CAMSAP1: variants seen among roughly 807,000 people sequenced by gnomAD.
CAMSAP1 encodes the protein calmodulin-regulated spectrin-associated protein 1.
CAMSAP1 carries 58 observed loss-of-function variants against 143.5 expected under a neutral mutation model. The observed-to-expected ratio is 0.40, with a 90% CI of 0.33 to 0.50. The LOEUF is 0.50. CAMSAP1 is among the 20% of genes least tolerant of loss of function. The pLI, the probability that CAMSAP1 is intolerant of heterozygous loss-of-function variation, is 0.45. For missense variants in CAMSAP1, 1,969 were observed against 2,115.7 expected (o/e 0.93, Z 1.36); for synonymous variants, 945 against 859.3 (o/e 1.10, Z -1.74).
At position 135,883,019 on chromosome 9, in the gene CAMSAP1, T is replaced by G. The variant is rs924296148; in HGVS notation, c.220A>C (p.Ile74Leu). ...FYVDQYEQEH[I>L]KPPVIKLLLS... Reference sequence around the variant, plus strand: ...AGAAGCTTGATAACAGGCGGCTTAATGTGCTCCTGCTCATACTGGTCAACG... The same window carrying G: ...AGAAGCTTGATAACAGGCGGCTTAAGGTGCTCCTGCTCATACTGGTCAACG... The change falls in exon 2 of 17, where the codon ATT becomes CTT. Residue 74 changes from isoleucine to leucine, a missense_variant. Around this residue, in one of 4 missense-constraint regions of CAMSAP1, gnomAD observed 215 missense variants for 196.2 expected, o/e 1.10. Coordinates refer to ENST00000389532, the MANE Select transcript of CAMSAP1 (RefSeq NM_015447.4). The G allele has an allele frequency of 6.4e-7, 1 of 1,551,696 alleles. No individual in the cohort carries two copies. The highest frequency in any genetic ancestry group is 2.0e-5 in the Admixed American group (1 of 51,008).
At chr9:135,817,831 A>C in intron 14 of CAMSAP1, 146 bp downstream of exon 14, 1 of 687,396 alleles carries the variant, frequency 1.5e-6, no homozygotes, top group South Asian at 1.9e-5. Flanking sequence ...ATTCCTGATG[A>C]CATGATTGCA....
chr9:135,851,104 G>A (rs1040738456), intron 5 of CAMSAP1, among the ~76,000 whole-genome samples: 8 of 152,194 alleles, frequency 5.3e-5, no homozygotes, highest in African/African-American at 1.2e-4. Context: ...CAAAGAGCAG[G>A]CCTCCCCCTA....
At chr9:135,827,322 AG>A (rs1485674767) in intron 8 of CAMSAP1, 84 bp downstream of exon 8, 4 of 1,289,724 alleles carry the variant, frequency 3.1e-6, no homozygotes, top group African/African-American at 3.0e-5. Context: ...ATTTTAAAAA[AG>A]GTAACTTCAA....
chr9:135,866,665 G>A (rs1837389806), intron 3 of CAMSAP1, 129 bp from the exon 4 acceptor site: 2 of 608,526 alleles, frequency 3.3e-6, no homozygotes, highest in Admixed American at 2.6e-5. Context: ...TATTGTTTAG[G>A]CCAATTACAC....
intron 3 of CAMSAP1, among the ~76,000 whole-genome samples, chr9:135,869,864 G>A (rs528571678): frequency 5.3e-5 from 8 of 152,222 alleles, no homozygotes; most frequent in South Asian, 2.1e-4. Context: ...GGAATGAAAC[G>A]CTGACACCCG....
At chr9:135,825,424 A>T (rs1835638788) in intron 8 of CAMSAP1, among the ~76,000 whole-genome samples, 1 of 152,180 alleles carries the variant, frequency 6.6e-6, no homozygotes, top group African/African-American at 2.4e-5. Flanking sequence ...ACAATATGGC[A>T]ATATCCATAA....
chr9:135,839,854 A>T (rs1406631883), intron 7 of CAMSAP1, among the ~76,000 whole-genome samples: 1 of 151,942 alleles, frequency 6.6e-6, no homozygotes, highest in Non-Finnish European at 1.5e-5. Context: ...CCACAGATGG[A>T]AAAGGGGAAA....
chr9:135,874,426 C>A (rs993294491), intron 3 of CAMSAP1, among the ~76,000 whole-genome samples: 1 of 133,976 alleles, frequency 7.5e-6, no homozygotes, highest in South Asian at 2.3e-4. Flanking sequence ...GAGCTATGAT[C>A]GTACCACCTG....
At chr9:135,896,727 TAA>T (rs1353647073) in intron 1 of CAMSAP1, among the ~76,000 whole-genome samples, 1 of 152,190 alleles carries the variant, frequency 6.6e-6, no homozygotes, top group African/African-American at 2.4e-5. Context: ...ACTTGAAAAT[TAA>T]AAGTTTGAAA....
intron 14 of CAMSAP1, 63 bp from the exon 15 acceptor site, chr9:135,816,068 G>A: frequency 6.7e-7 from 1 of 1,495,838 alleles, no homozygotes; most frequent in Non-Finnish European, 9.2e-7. Context: ...ACCACTGCTG[G>A]CAAGGGGCTG....
Position 135,823,065 on chromosome 9 carries a change from A to C in CAMSAP1, c.1596T>G (p.Asn532Lys). The C allele has an allele frequency of 6.2e-7, 1 of 1,613,892 alleles. No homozygotes were observed. Among genetic ancestry groups the C allele is most frequent in the Non-Finnish European group, 8.5e-7 (1 of 1,179,856 alleles). The part of the protein sequence containing the change: ...TKSHGKSLLS[N>K]VSIEDEEEEL... ...CCTCTTCCTCATCCTCAATACTGAC[A>C]TTGCTCAGGAGGCTCTTCCCGTGGC... is the stretch of plus-strand genomic sequence containing the variant. Residue 532 changes from asparagine (N) to lysine (K), a missense_variant, in exon 11 of 17, where the codon AAT (asparagine) becomes AAG (lysine). By Grantham distance (94) the Asn-to-Lys change is moderately conservative. This residue lies in a region of CAMSAP1 where 1,390 missense variants were observed against 1,420.8 expected (regional missense o/e 0.98). Transcript: ENST00000389532.
Position 135,907,074 on chromosome 9 carries a change from A to G in CAMSAP1, c.86T>C (p.Leu29Pro). ...PPDGAADLVP[L>P]DRYDAARAKI... ...GGCGCGCGCCGCGTCGTAGCGGTCC[A>G]GGGGCACGAGGTCGGCGGCGCCGTC... Residue 29 changes from leucine (L) to proline (P), a missense_variant, in exon 1 of 17, where the codon CTG (leucine) becomes CCG (proline). Physicochemically the swap from Leu to Pro is moderately conservative, Grantham distance 98. Coordinates refer to ENST00000389532, the MANE Select transcript of CAMSAP1 (RefSeq NM_015447.4). The G allele has an allele frequency of 2.6e-6, 3 of 1,167,926 alleles. No individual in the cohort carries two copies. The highest frequency in any genetic ancestry group is 2.8e-5 in the South Asian group (1 of 35,740). 72.3% of individuals were successfully genotyped at this position (1,167,926 alleles called of 1,614,324 possible).
chr9:135,834,171 T>C lies in CAMSAP1; in HGVS notation c.1046-6587A>G, dbSNP rs569112789. ...CAAGAGATGAGTATTGAGGAGAATGTGGAGAAAAGGTGAACCTTTGCATAC... is the reference window on the plus strand; with the variant it reads ...CAAGAGATGAGTATTGAGGAGAATGCGGAGAAAAGGTGAACCTTTGCATAC... On this transcript the variant is annotated intron_variant, in intron 7 of 16. Transcript: ENST00000389532. Among the ~76,000 whole-genome samples the C allele has an allele frequency of 1.0e-3, 154 of 152,250 alleles. 1 individual carries two copies. The highest frequency in any genetic ancestry group is 3.6e-3 in the African/African-American group (148 of 41,536).
intron 5 of CAMSAP1, among the ~76,000 whole-genome samples, chr9:135,851,192 T>TC (rs1377275822): frequency 6.6e-6 from 1 of 152,200 alleles, no homozygotes; most frequent in Non-Finnish European, 1.5e-5. Flanking sequence ...AGCTCAGGAC[T>TC]CCGTGAGAAG....
In CAMSAP1 at chr9:135,821,567, T is replaced by C; in HGVS notation, c.3094A>G (p.Ser1032Gly). ...LSIEKLNETI[S>G]TLQQAILKIS... ...TTCAGGATGGCCTGCTGCAGCGTAC[T>C]GATGGTTTCGTTAAGCTTCTCGATG... Residue 1032 changes from serine (S) to glycine (G), a missense_variant, in exon 11 of 17, where the codon AGT (serine) becomes GGT (glycine). Around this residue, in one of 4 missense-constraint regions of CAMSAP1, gnomAD observed 1,390 missense variants for 1,420.8 expected, o/e 0.98. Transcript: ENST00000389532. This position sits in a 1 kb window ranked among gnomAD's most constrained non-coding sequence, Gnocchi z 4.6. 1 of 1,614,032 alleles carries C rather than the reference T, an allele frequency of 6.2e-7. No individual in the cohort carries two copies. Among genetic ancestry groups the C allele is most frequent in the Non-Finnish European group, 8.5e-7 (1 of 1,179,900 alleles).
intron 7 of CAMSAP1, among the ~76,000 whole-genome samples, chr9:135,839,162 G>T (rs1460189885): frequency 6.6e-6 from 1 of 152,186 alleles, no homozygotes; most frequent in Admixed American, 6.5e-5. Flanking sequence ...TCTTTCCTGA[G>T]GAAACTGATT....
At chr9:135,852,733 G>T (rs192295964) in intron 5 of CAMSAP1, among the ~76,000 whole-genome samples, 44 of 152,214 alleles carry the variant, frequency 2.9e-4, no homozygotes, top group Admixed American at 5.9e-4. Context: ...AGCAAAATTT[G>T]GTATTTGTAG....
chr9:135,838,195 TCA>T (rs1191704960), intron 7 of CAMSAP1, among the ~76,000 whole-genome samples: 136 of 148,360 alleles, frequency 9.2e-4, no homozygotes, highest in African/African-American at 3.2e-3. Flanking sequence ...ACACACGTCA[TCA>T]CACACTTTCC....
chr9:135,821,956 A>T lies in CAMSAP1; in HGVS notation c.2705T>A (p.Leu902Gln), dbSNP rs369928865. Reference sequence around the variant, plus strand: ...GAGCTTCAGGCGCTGCCTTGCCGACAGCGCCTCCATCTTCTTCTTCTGGGC... The same window carrying T: ...GAGCTTCAGGCGCTGCCTTGCCGACTGCGCCTCCATCTTCTTCTTCTGGGC... ...IEAQKKKMEA[L>Q]SARQRLKLGK... The change falls in exon 11 of 17, where the codon CTG becomes CAG. Residue 902 changes from leucine (L) to glutamine (Q), a missense_variant. Coordinates refer to ENST00000389532, the MANE Select transcript of CAMSAP1 (RefSeq NM_015447.4). This position sits in a 1 kb window ranked among gnomAD's most constrained non-coding sequence, Gnocchi z 4.6. The T allele has an allele frequency of 1.6e-5, 25 of 1,612,426 alleles. No individual in the cohort carries two copies. The East Asian group carries it at 5.1e-4, about 33-fold the overall frequency.
Sources: gnomAD v4.1 joint callset for allele counts (sites outside exome capture counted in the v4.1 genomes callset) on GRCh38, gnomAD v4.1.1 for gene constraint, gnomAD v4.1.1 regional missense constraint, Gnocchi (gnomAD v3.1) non-coding constraint, MANE v1.5 for transcripts, NCBI Gene and HGNC (gene_info 2026-07-23, HGNC 2026-07-21) for gene names.